SLC19A1: variants seen among roughly 807,000 people sequenced by gnomAD.
SLC19A1 encodes reduced folate transporter.
Under a neutral mutation model 35.3 loss-of-function variants are expected in SLC19A1, and 37 were observed. The ratio of observed to expected loss-of-function variants is 1.05; its 90% CI spans 0.81 to 1.38. The LOEUF (loss-of-function observed/expected upper bound fraction) is 1.38. SLC19A1 is among the 40% of genes most tolerant of loss of function. SLC19A1 has a pLI of 0.00. For missense variants in SLC19A1, 831 were observed against 826.9 expected, an observed-to-expected ratio of 1.00 and a Z score of -0.06; for synonymous variants, 460 against 398.5, an observed-to-expected ratio of 1.15 and a Z score of -1.84.
In SLC19A1 at chr21:45,515,351, T is replaced by C. The variant is rs999523008; in HGVS notation, c.*307A>G. 3 of 1,437,088 alleles carry C rather than the reference T, an allele frequency of 2.1e-6. No individual in the cohort carries two copies. The highest frequency in any genetic ancestry group is 2.6e-4 in the Middle Eastern group (1 of 3,902). 89.0% of individuals were successfully genotyped at this position (1,437,088 alleles called of 1,614,324 possible). On this transcript the variant is annotated 3_prime_UTR_variant, in exon 6 of 6. Coordinates refer to ENST00000311124, the MANE Select transcript of SLC19A1 (RefSeq NM_194255.4). ...ACTAGCCCTGGGGGGCAGAAAGGAT[T>C]TGTCTCAAGCCCCCCAAGGGGCATG...
chr21:45,503,852 A>G, intron 3 of SLC19A1: 3 of 548,100 alleles, frequency 5.5e-6, no homozygotes, highest in Non-Finnish European at 6.6e-6. Context: ...AACATCAGAA[A>G]GTATCGGTTA....
At chr21:45,561,358 G>A (rs1208362800) in intron 1 of SLC19A1, among the ~76,000 whole-genome samples, 1 of 152,208 alleles carries the variant, frequency 6.6e-6, no homozygotes. Context: ...AACATGTTGC[G>A]TTTGTGCAGC....
At chr21:45,508,221 G>GGTGGATAGTGGGTAAGTGGGTGA (rs1277699177), downstream of SLC19A1, among the ~76,000 whole-genome samples, 1 of 149,100 alleles carries the variant, frequency 6.7e-6, no homozygotes, top group African/African-American at 2.5e-5. Context: ...TGAATGGGTG[G>GGTGGATAGTGGGTAAGTGGGTGA]GTGGATAGTG....
intron 1 of SLC19A1, among the ~76,000 whole-genome samples, chr21:45,539,362 G>A (rs947365803): frequency 6.6e-6 from 1 of 152,250 alleles, no homozygotes; most frequent in African/African-American, 2.4e-5. Flanking sequence ...CAGCCTTGTG[G>A]GGCGGGGTCG....
intron 5 of SLC19A1, among the ~76,000 whole-genome samples, chr21:45,519,570 C>CAAAAAAA (rs57639933): frequency 5.9e-4 from 34 of 57,208 alleles, no homozygotes; most frequent in Non-Finnish European, 6.9e-4. Flanking sequence ...AACTTCTGAG[C>CAAAAAAA]AAAAAAAAAA....
In SLC19A1 at chr21:45,504,086, C is replaced by T. The variant is rs767493943; in HGVS notation, c.498-5474G>A. On this transcript the variant is annotated intron_variant, in intron 3 of 4. Coordinates refer to the SLC19A1 transcript ENST00000417954. The stretch of plus-strand genomic sequence containing the variant: ...GACCTCCCTGTGGGGTTGGGGGCCC[C>T]CAAGGTCCTGTACATCCCGCTGGGT... 20 of 1,611,890 alleles carry T rather than the reference C, an allele frequency of 1.2e-5. No homozygotes were observed. In the East Asian group the frequency reaches 2.5e-4, roughly 20 times the overall value.
chr21:45,544,809 A>G (rs1282599429), upstream of SLC19A1, among the ~76,000 whole-genome samples: 1 of 151,870 alleles, frequency 6.6e-6, no homozygotes, highest in African/African-American at 2.4e-5. Context: ...CCCCATCCCC[A>G]GCTCCTGGGC....
At chr21:45,509,743 G>A, downstream of SLC19A1, 2 of 706,996 alleles carry the variant, frequency 2.8e-6, no homozygotes, top group South Asian at 1.5e-5. Flanking sequence ...GCCACTCAGG[G>A]CGGCTTGGCT....
chr21:45,506,766 T>TA (rs768057615), intron 3 of SLC19A1: 1 of 33,818 alleles, frequency 3.0e-5, no homozygotes, highest in African/African-American at 1.4e-4. Flanking sequence ...ACCTTCCCTC[T>TA]GGAACCCTCC....
In SLC19A1 at chr21:45,537,772, T is replaced by A. The variant is rs1378111666; in HGVS notation, c.188A>T (p.Gln63Leu). 8.9e-7 allele frequency: 1 copy of A among 1,117,766 alleles called. No individual in the cohort carries two copies. The highest frequency in any genetic ancestry group is 1.1e-6 in the Non-Finnish European group (1 of 901,374). 69.2% of individuals were successfully genotyped at this position (1,117,766 alleles called of 1,614,324 possible). The change falls in exon 2 of 6, where the codon CAG (glutamine) becomes CTG (leucine). Residue 63 changes from glutamine to leucine, a missense_variant and splice_region_variant. By Grantham distance (113) the Gln-to-Leu change is moderately radical. Transcript: ENST00000311124. ...CCCGGCACCCCGGCACCCACATGCC[T>A]GCTCCCGCGTGAAGTTCTTGTCGGG... ...LGPDKNFTRE[Q>L]VTNEITPVLS... is the part of the protein sequence containing the mutation.
chr21:45,548,988 G>A (rs1219554065), upstream of SLC19A1, among the ~76,000 whole-genome samples: 1 of 152,152 alleles, frequency 6.6e-6, no homozygotes, highest in Non-Finnish European at 1.5e-5. Flanking sequence ...AGCTTCTTGT[G>A]GAGTTTAACA....
chr21:45,504,169 G>C (rs565623379), intron 3 of SLC19A1: 2 of 1,241,958 alleles, frequency 1.6e-6, no homozygotes, highest in Non-Finnish European at 2.4e-6. Flanking sequence ...TCAGCCCTGC[G>C]AGGGGCGCTG....
At position 45,512,800 on chromosome 21, in the gene SLC19A1, A is replaced by G. The variant is rs895591625; in HGVS notation, c.*2858T>C. On this transcript the variant is annotated 3_prime_UTR_variant, in exon 6 of 6. Coordinates refer to ENST00000311124, the MANE Select transcript of SLC19A1 (RefSeq NM_194255.4). ...ACCTAGCAGCACCGTTCTGTGCACA[A>G]AACCCAGACCTGTTAGCAGACAGGC... 3.2e-6 allele frequency: 1 copy of G among 315,214 alleles called. No individual in the cohort carries two copies. Among genetic ancestry groups the G allele is most frequent in the African/African-American group, 2.2e-5 (1 of 46,198 alleles). 19.5% of individuals were successfully genotyped at this position (315,214 alleles called of 1,614,324 possible).
chr21:45,510,467 C>T (rs1435872657), downstream of SLC19A1, among the ~76,000 whole-genome samples: 2 of 152,178 alleles, frequency 1.3e-5, no homozygotes, highest in Non-Finnish European at 2.9e-5. Context: ...TGGGCACTGC[C>T]ACGTCCCCCA....
At position 45,515,170 on chromosome 21, in the gene SLC19A1, A is replaced by T. The variant is rs555550503; in HGVS notation, c.*488T>A. On this transcript the variant is annotated 3_prime_UTR_variant, in exon 6 of 6. Coordinates refer to ENST00000311124, the MANE Select transcript of SLC19A1 (RefSeq NM_194255.4). ...TCTTCATTCTACGTCAGTTAAAAAA[A>T]AAAAAAGCATCTTTCAAAAAAGCAA... is the stretch of plus-strand genomic sequence containing the variant. 887 of 1,524,454 alleles carry T rather than the reference A, an allele frequency of 5.8e-4. No homozygotes were observed. The highest frequency in any genetic ancestry group is 7.0e-4 in the Non-Finnish European group (800 of 1,140,368). The allele number at this position is 1,524,454 out of a possible 1,614,324, so 94.4% of individuals were successfully genotyped here.
At chr21:45,524,772 C>T (rs1002923113) in intron 5 of SLC19A1, among the ~76,000 whole-genome samples, 1 of 114,350 alleles carries the variant, frequency 8.7e-6, no homozygotes, top group African/African-American at 3.5e-5. Flanking sequence ...CTTGGAGGCT[C>T]ATCACCCTGA....
intron 4 of SLC19A1, among the ~76,000 whole-genome samples, chr21:45,526,802 C>T (rs1227265636): frequency 6.6e-6 from 1 of 152,238 alleles, no homozygotes; most frequent in Non-Finnish European, 1.5e-5. Flanking sequence ...GAGCTCCTGG[C>T]CTCAGGTGAT....
intron 5 of SLC19A1, among the ~76,000 whole-genome samples, chr21:45,519,897 A>C (rs1320652682): frequency 6.6e-6 from 1 of 152,242 alleles, no homozygotes; most frequent in African/African-American, 2.4e-5. Flanking sequence ...CACTCCACCC[A>C]AAAGCAGAAT....
chr21:45,537,552 C>G (rs1464087307), intron 2 of SLC19A1, among the ~76,000 whole-genome samples: 1 of 144,312 alleles, frequency 6.9e-6, no homozygotes, highest in Non-Finnish European at 1.5e-5. Flanking sequence ...GGCGGCCGCC[C>G]GGCACCCCGG....
Sources: gnomAD v4.1 joint callset for allele counts (sites outside exome capture counted in the v4.1 genomes callset) on GRCh38, gnomAD v4.1.1 for gene constraint, MANE v1.5 for transcripts, NCBI Gene and HGNC (gene_info 2026-07-23, HGNC 2026-07-21) for gene names.